Variants in CLASP1 observed in about 807,000 individuals in gnomAD.
CLASP1 encodes the protein CLIP-associating protein 1.
Under a neutral mutation model 192.3 loss-of-function variants are expected in CLASP1, and 38 were observed. That is an observed-to-expected ratio of 0.20 (90% CI 0.15 to 0.26). CLASP1 has a LOEUF of 0.26. CLASP1 is among the 10% of genes least tolerant of loss of function. The probability of loss-of-function intolerance (pLI) is 1.00; values close to 1 mark genes in which losing one functional copy is unlikely to be tolerated. For missense variants in CLASP1, 1,433 were observed against 1,932.5 expected (o/e 0.74, Z 4.85); for synonymous variants, 691 against 712.8 (o/e 0.97, Z 0.49).
chr2:121,545,264 T>C (rs766072026), intron 2 of CLASP1, among the ~76,000 whole-genome samples: 1 of 152,156 alleles, frequency 6.6e-6, no homozygotes, highest in Non-Finnish European at 1.5e-5. Flanking sequence ...GAGAGCAAGT[T>C]AGAAATCAAC....
intron 23 of CLASP1, among the ~76,000 whole-genome samples, chr2:121,415,316 C>T (rs2078389023): frequency 6.6e-6 from 1 of 152,140 alleles, no homozygotes; most frequent in African/African-American, 2.4e-5. Context: ...ATGGTACCTA[C>T]CTCTTGGGAG....
rs995586688 is a variant in CLASP1 at position 121,434,494 on chromosome 2, G to C, written c.1913-4317C>G. Among the ~76,000 whole-genome samples, 3 of 151,960 alleles carry C rather than the reference G, an allele frequency of 2.0e-5. No individual in the cohort carries two copies. The South Asian group carries it at 6.3e-4, about 32-fold the overall frequency. The stretch of plus-strand genomic sequence containing the variant: ...TTGCCCAGGCTGGTCTCAAACTCCT[G>C]GCCTCAAGCAATCCTCTCACCTTGG... On this transcript the variant is annotated intron_variant, in intron 19 of 39. Coordinates refer to ENST00000263710, the Ensembl canonical transcript of CLASP1.
At chr2:121,473,218 A>G (rs948884972) in intron 8 of CLASP1, among the ~76,000 whole-genome samples, 1 of 152,224 alleles carries the variant, frequency 6.6e-6, no homozygotes, top group Non-Finnish European at 1.5e-5. Context: ...AACTATGTTC[A>G]ATATTAAAAT....
chr2:121,559,722 T>C (rs1206396136), intron 2 of CLASP1, among the ~76,000 whole-genome samples: 3 of 152,180 alleles, frequency 2.0e-5, no homozygotes, highest in African/African-American at 7.2e-5. Context: ...CTGATGGGTA[T>C]AGAGTTCCCT....
chr2:121,355,585 T>C (rs186703242), intron 37 of CLASP1, among the ~76,000 whole-genome samples: 1 of 152,148 alleles, frequency 6.6e-6, no homozygotes, highest in East Asian at 1.9e-4. Flanking sequence ...GCAAGGGAGG[T>C]AGGTGTTCTC....
chr2:121,552,331 A>G (rs2058114033), intron 2 of CLASP1, among the ~76,000 whole-genome samples: 1 of 152,248 alleles, frequency 6.6e-6, no homozygotes, highest in African/African-American at 2.4e-5. Context: ...AAAAGCAAAA[A>G]TTTACAAATG....
chr2:121,485,536 G>A lies in CLASP1; in HGVS notation c.713-15576C>T, dbSNP rs541848958. On this transcript the variant is annotated intron_variant, in intron 8 of 39. Transcript: ENST00000263710. ...AGATAGAAAAGAGGGCCTTCCAATT[G>A]TGTGTGTGTGTTTTTCCTTCAAATT... Among the ~76,000 whole-genome samples, 9 of 151,680 alleles carry A rather than the reference G, an allele frequency of 5.9e-5. No individual in the cohort carries two copies. The East Asian group carries it at 1.5e-3, about 26-fold the overall frequency.
intron 14 of CLASP1, 61 bp from the exon 15 acceptor site, chr2:121,451,910 C>T (rs2085559623): frequency 4.9e-6 from 6 of 1,223,036 alleles, no homozygotes; most frequent in African/African-American, 1.5e-5. Context: ...ATGAAAACGG[C>T]ATTTTTCTTA....
chr2:121,460,338 T>C (rs2087646761), intron 11 of CLASP1, among the ~76,000 whole-genome samples: 1 of 152,188 alleles, frequency 6.6e-6, no homozygotes, highest in South Asian at 2.1e-4. Flanking sequence ...ACTAGAGTAT[T>C]TGTGACACAT....
At chr2:121,635,939 C>T (rs1054135177) in intron 1 of CLASP1, among the ~76,000 whole-genome samples, 8 of 151,888 alleles carry the variant, frequency 5.3e-5, no homozygotes, top group South Asian at 4.2e-4. Flanking sequence ...CAGTGGCTCA[C>T]GCCTGTTATC....
chr2:121,470,044 A>C, intron 8 of CLASP1, 84 bp from the exon 9 acceptor site: 1 of 1,108,200 alleles, frequency 9.0e-7, no homozygotes, highest in Non-Finnish European at 1.3e-6. Context: ...CCTGATTATA[A>C]AACAATTAGT....
intron 2 of CLASP1, among the ~76,000 whole-genome samples, chr2:121,558,386 GC>G (rs1212719187): frequency 1.3e-5 from 2 of 152,026 alleles, no homozygotes; most frequent in Non-Finnish European, 2.9e-5. Context: ...GTTTGAATGT[GC>G]CCCCCCAAAT....
At chr2:121,418,755 G>C in intron 22 of CLASP1, 26 bp from the exon 23 acceptor site, 1 of 1,499,246 alleles carries the variant, frequency 6.7e-7, no homozygotes, top group Admixed American at 1.7e-5. Context: ...AAGGGTTTCA[G>C]AGAAGGTGAA....
intron 2 of CLASP1, among the ~76,000 whole-genome samples, chr2:121,531,245 G>A (rs1233324038): frequency 6.6e-6 from 1 of 152,154 alleles, no homozygotes; most frequent in East Asian, 1.9e-4. Context: ...CAGCCCAGTA[G>A]TCTAGGTCAA....
chr2:121,502,324 A>C (rs2150245161), intron 8 of CLASP1, among the ~76,000 whole-genome samples: 1 of 152,344 alleles, frequency 6.6e-6, no homozygotes, highest in East Asian at 1.9e-4. Flanking sequence ...CTCATGAGTA[A>C]ACACATATTT....
chr2:121,621,020 C>T lies in CLASP1; in HGVS notation c.-285-14840G>A, dbSNP rs749717441. Among the ~76,000 whole-genome samples, 95 of 152,062 alleles carry T rather than the reference C, an allele frequency of 6.2e-4. No homozygotes were observed. The Middle Eastern group carries it at 0.017, about 27-fold the overall frequency. ...GAGACGGGCAGACTGCTTGAGCTCACGAGTTTGAGACCAGCCTGGGCAATG... is the reference window on the plus strand; with the variant it reads ...GAGACGGGCAGACTGCTTGAGCTCATGAGTTTGAGACCAGCCTGGGCAATG... On this transcript the variant is annotated intron_variant, in intron 1 of 39. Coordinates refer to ENST00000263710, the Ensembl canonical transcript of CLASP1.
At chr2:121,365,253 G>A in exon 36 of CLASP1, 1 of 1,613,508 alleles carries the variant, frequency 6.2e-7, no homozygotes, top group Non-Finnish European at 8.5e-7. Context: ...CTTTCAGAAG[G>A]TCAGCCACCA....
intron 8 of CLASP1, among the ~76,000 whole-genome samples, chr2:121,499,637 A>T (rs1044066137): frequency 3.9e-5 from 6 of 152,068 alleles, no homozygotes; most frequent in African/African-American, 1.4e-4. Flanking sequence ...CTCAATTTTT[A>T]AAATATACTG....
chr2:121,474,070 T>C (rs2150004809), intron 8 of CLASP1, among the ~76,000 whole-genome samples: 2 of 152,358 alleles, frequency 1.3e-5, no homozygotes, highest in South Asian at 4.1e-4. Flanking sequence ...TTATTATTTA[T>C]TCTCCTGTTT....
Sources: gnomAD v4.1 joint callset for allele counts (sites outside exome capture counted in the v4.1 genomes callset) on GRCh38, gnomAD v4.1.1 for gene constraint, MANE v1.5 for transcripts, NCBI Gene and HGNC (gene_info 2026-07-23, HGNC 2026-07-21) for gene names.